The following MINPP1 variants were observed in gnomAD, a reference collection of about 807,000 sequenced individuals.
MINPP1 encodes the protein multiple inositol-polyphosphate phosphatase 1, also known as multiple inositol polyphosphate phosphatase 1.
MINPP1 carries 28 observed loss-of-function variants against 46.1 expected under a neutral mutation model. The ratio of observed to expected loss-of-function variants is 0.61; its 90% CI spans 0.45 to 0.83. The LOEUF is 0.83. Among genes scored for constraint, MINPP1 ranks in the 40% least tolerant of loss-of-function variants. The pLI, the probability that MINPP1 is intolerant of heterozygous loss-of-function variation, is 0.00. For synonymous variants in MINPP1, 268 were observed against 249.1 expected, an observed-to-expected ratio of 1.08 and a Z score of -0.72; for missense variants, 603 against 610.0, an observed-to-expected ratio of 0.99 and a Z score of 0.12.
chr10:87,533,379 A>C (rs573799910), intron 4 of MINPP1, among the ~76,000 whole-genome samples: 1 of 152,156 alleles, frequency 6.6e-6, no homozygotes, highest in Admixed American at 6.5e-5. Context: ...CACCATCACT[A>C]TAGTAATGGG....
At chr10:87,541,166 G>A (rs1323632319) in intron 4 of MINPP1, among the ~76,000 whole-genome samples, 1 of 152,154 alleles carries the variant, frequency 6.6e-6, no homozygotes, top group African/African-American at 2.4e-5. Flanking sequence ...TTATAAATGG[G>A]CAAACACAGC....
Position 87,552,599 on chromosome 10 carries a change from C to A in MINPP1, c.*121C>A. 1.0e-6 allele frequency: 1 copy of A among 998,480 alleles called. No individual in the cohort carries two copies. The highest frequency in any genetic ancestry group is 1.5e-6 in the Non-Finnish European group (1 of 667,292). 61.9% of individuals were successfully genotyped at this position (998,480 alleles called of 1,614,324 possible). A position where few individuals can be genotyped will look rare whatever the true frequency, so the allele number is the denominator to read the frequency against. On this transcript the variant is annotated 3_prime_UTR_variant, in exon 5 of 5. Coordinates refer to ENST00000371996, the MANE Select transcript of MINPP1 (RefSeq NM_004897.5). ...TATTACTTGAGTATTTCTGTCTTTT[C>A]ACAGAAAAACATTGGGTTTCTCTCT...
intron 3 of MINPP1, among the ~76,000 whole-genome samples, chr10:87,519,450 C>G (rs77666854): frequency 6.6e-6 from 1 of 152,306 alleles, no homozygotes; most frequent in East Asian, 1.9e-4. Context: ...GAGCCCCGTT[C>G]AAGGCGTTCA....
At chr10:87,521,708 A>G (rs1174082256) in intron 4 of MINPP1, among the ~76,000 whole-genome samples, 2 of 152,192 alleles carry the variant, frequency 1.3e-5, no homozygotes, top group Non-Finnish European at 2.9e-5. Flanking sequence ...TACTCTTGTC[A>G]GTGGGCATTT....
intron 4 of MINPP1, among the ~76,000 whole-genome samples, chr10:87,531,905 A>G (rs1851665450): frequency 6.6e-6 from 1 of 152,234 alleles, no homozygotes; most frequent in Non-Finnish European, 1.5e-5. Context: ...ATTTATGGTC[A>G]CGAACATTTT....
intron 4 of MINPP1, among the ~76,000 whole-genome samples, chr10:87,522,030 T>C (rs1160665206): frequency 6.6e-6 from 1 of 152,178 alleles, no homozygotes; most frequent in African/African-American, 2.4e-5. Flanking sequence ...CCAAACTGGA[T>C]TGTGGTGATT....
In MINPP1 at chr10:87,553,027, C is replaced by A. The variant is rs1589389556; in HGVS notation, c.*549C>A. The A allele has an allele frequency of 6.6e-6, 1 of 152,148 alleles. No individual in the cohort carries two copies. The highest frequency in any genetic ancestry group is 2.1e-4 in the South Asian group (1 of 4,824). 9.4% of individuals were successfully genotyped at this position (152,148 alleles called of 1,614,324 possible). On this transcript the variant is annotated 3_prime_UTR_variant, in exon 5 of 5. Transcript: ENST00000371996. ...AGAAACAGAGTGTTGTAAAAGGACA[C>A]CTTCACTGAAGCAAGTCGGAAAGTA...
chr10:87,504,923 G>A lies in MINPP1; in HGVS notation c.8G>A (p.Arg3His). ML[R>H]APGCLLRTSV... ...CCACTGACCGTCCCGACGATGCTAC[G>A]CGCGCCCGGCTGCCTCCTCCGGACC... The change falls in exon 1 of 5, where the codon CGC becomes CAC. Residue 3 changes from arginine (R) to histidine (H), a missense_variant. Arg to His is a conservative substitution (Grantham distance 29). Coordinates refer to ENST00000371996, the MANE Select transcript of MINPP1 (RefSeq NM_004897.5). The A allele has an allele frequency of 6.2e-7, 1 of 1,610,454 alleles. No homozygotes were observed. The highest frequency in any genetic ancestry group is 8.5e-7 in the Non-Finnish European group (1 of 1,179,142).
chr10:87,508,466 A>G lies in MINPP1; in HGVS notation c.768A>G (p.Pro256=). 1 of 1,613,936 alleles carries G rather than the reference A, an allele frequency of 6.2e-7. No individual in the cohort carries two copies. The change falls in exon 2 of 5, where the codon CCA becomes CCG. Residue 256 remains proline, a synonymous_variant. Coordinates refer to ENST00000371996, the MANE Select transcript of MINPP1 (RefSeq NM_004897.5). ...LYHVEAFKTG[P]EMQNILKKVA... ...ACGTGGAAGCCTTCAAAACTGGACCAGAAATGCAGAACATTTTAAAAAAAG... is the reference window on the plus strand; with the variant it reads ...ACGTGGAAGCCTTCAAAACTGGACCGGAAATGCAGAACATTTTAAAAAAAG...
At chr10:87,511,847 G>A (rs866373943) in intron 2 of MINPP1, among the ~76,000 whole-genome samples, 1 of 152,204 alleles carries the variant, frequency 6.6e-6, no homozygotes, top group South Asian at 2.1e-4. Flanking sequence ...GTACTTACAA[G>A]CCACTATATT....
In MINPP1 at chr10:87,526,977, C is replaced by T. The variant is rs1351633291; in HGVS notation, c.1067+5808C>T. Among the ~76,000 whole-genome samples the T allele has an allele frequency of 3.9e-5, 6 of 152,242 alleles. No homozygotes were observed. In the East Asian group the frequency reaches 5.8e-4, roughly 15 times the overall value. ...TGTAGTGTAGTTTGAAGTCAGGTAG[C>T]ATGATGCCTCCAGCTTTGTTCTTTT... On this transcript the variant is annotated intron_variant, in intron 4 of 4. Transcript: ENST00000371996.
At chr10:87,527,993 G>T (rs898935840) in intron 4 of MINPP1, among the ~76,000 whole-genome samples, 2 of 152,130 alleles carry the variant, frequency 1.3e-5, no homozygotes, top group Admixed American at 1.3e-4. Context: ...GTTTGTTTGC[G>T]TAGAGATGTT....
In MINPP1 at chr10:87,552,329, A is replaced by C; in HGVS notation, c.1315A>C (p.Asn439His). The change falls in exon 5 of 5, where the codon AAT (asparagine) becomes CAT (histidine). Residue 439 changes from asparagine to histidine, a missense_variant. By Grantham distance (68) the Asn-to-His change is moderately conservative. Around this residue, in one of 3 missense-constraint regions of MINPP1, gnomAD observed 344 missense variants for 381.1 expected, o/e 0.90. Coordinates refer to ENST00000371996, the MANE Select transcript of MINPP1 (RefSeq NM_004897.5). ...ACAATTCCGAGTGCAGATGTTATTA[A>C]ATGAAAAGGTGTTACCTTTGGCTTA... ...KEQFRVQMLL[N>H]EKVLPLAYSQ... 6.2e-7 allele frequency: 1 copy of C among 1,613,830 alleles called. No homozygotes were observed. The highest frequency in any genetic ancestry group is 8.5e-7 in the Non-Finnish European group (1 of 1,179,822).
Position 87,505,092 on chromosome 10 carries a change from G to A in MINPP1, c.177G>A (p.Val59=), listed in dbSNP as rs1025032710. 6 of 1,613,602 alleles carry A rather than the reference G, an allele frequency of 3.7e-6. No homozygotes were observed. The Admixed American group carries it at 1.0e-4, about 27-fold the overall frequency. ...TKTRYEDVNP[V]LLSGPEAPWR... is the part of the protein sequence containing the mutation. ...CTCGCTACGAGGATGTCAACCCCGT[G>A]CTATTGTCGGGCCCCGAGGCTCCGT... Residue 59 remains valine, a synonymous_variant, in exon 1 of 5, where the codon GTG becomes GTA. Transcript: ENST00000371996. This position sits in a 1 kb window ranked among gnomAD's most constrained non-coding sequence, Gnocchi z 4.4.
intron 4 of MINPP1, among the ~76,000 whole-genome samples, chr10:87,529,265 G>T (rs185037764): frequency 4.5e-4 from 68 of 152,224 alleles, no homozygotes; most frequent in Non-Finnish European, 8.4e-4. Flanking sequence ...ATGTTAGCTG[G>T]TTTTTTGCTA....
rs533731359 is a variant in MINPP1 at position 87,533,003 on chromosome 10, C to G, written c.1067+11834C>G. ...TAGCCTTTTTTTTTTTTGTACATGA[C>G]TTAAAATCCTTTTTTTAAATTTGGA... On this transcript the variant is annotated intron_variant, in intron 4 of 4. Transcript: ENST00000371996. Among the ~76,000 whole-genome samples the G allele has an allele frequency of 3.4e-5, 5 of 149,060 alleles. No homozygotes were observed. The East Asian group carries it at 9.8e-4, about 29-fold the overall frequency.
chr10:87,534,549 A>T (rs1336335786), intron 4 of MINPP1, among the ~76,000 whole-genome samples: 1 of 151,948 alleles, frequency 6.6e-6, no homozygotes, highest in Non-Finnish European at 1.5e-5. Flanking sequence ...TTTTTTTAAA[A>T]CTATTCTTGT....
At chr10:87,518,796 T>C (rs1231898258) in intron 3 of MINPP1, among the ~76,000 whole-genome samples, 1 of 152,176 alleles carries the variant, frequency 6.6e-6, no homozygotes, top group East Asian at 1.9e-4. Flanking sequence ...ATAAAGGATG[T>C]TACAAAGGAT....
chr10:87,541,257 A>G (rs11202441), intron 4 of MINPP1, among the ~76,000 whole-genome samples: 29,628 of 152,134 alleles, frequency 0.19, 2,967 homozygotes, highest in African/African-American at 0.25. Flanking sequence ...GTTTTTTTAT[A>G]TACCCGAGTT....
Sources: gnomAD v4.1 joint callset for allele counts (sites outside exome capture counted in the v4.1 genomes callset) on GRCh38, gnomAD v4.1.1 for gene constraint, gnomAD v4.1.1 regional missense constraint, Gnocchi (gnomAD v3.1) non-coding constraint, MANE v1.5 for transcripts, NCBI Gene and HGNC (gene_info 2026-07-23, HGNC 2026-07-21) for gene names.